CNNM1: variants seen among roughly 807,000 people sequenced by gnomAD.
CNNM1 encodes metal transporter CNNM1.
Under a neutral mutation model 78.8 loss-of-function variants are expected in CNNM1, and 44 were observed. That is an observed-to-expected ratio of 0.56 (90% CI 0.44 to 0.72). CNNM1 has a LOEUF of 0.72. Among genes scored for constraint, CNNM1 ranks in the 30% least tolerant of loss-of-function variants. The pLI, the probability that CNNM1 is intolerant of heterozygous loss-of-function variation, is 0.00. For synonymous variants in CNNM1, 584 were observed against 581.5 expected, an observed-to-expected ratio of 1.00 and a Z score of -0.06; for missense variants, 1,101 against 1,292.2, an observed-to-expected ratio of 0.85 and a Z score of 2.27.
chr10:99,373,441 G>A (rs2031865594), intron 6 of CNNM1, among the ~76,000 whole-genome samples: 1 of 152,204 alleles, frequency 6.6e-6, no homozygotes, highest in Admixed American at 6.5e-5. Context: ...TTTTGGGCAG[G>A]ACTCTCTGCC....
chr10:99,392,543 A>G lies in CNNM1; in HGVS notation c.*1027A>G, dbSNP rs1213636341. On this transcript the variant is annotated 3_prime_UTR_variant, in exon 11 of 11. Coordinates refer to ENST00000356713, the MANE Select transcript of CNNM1 (RefSeq NM_020348.3). ...TTTGTCCTTCTCCCACCCCCTTACT[A>G]CACCCTAGCAGATCAGCTGAGTGTA... 2 of 152,454 alleles carry G rather than the reference A, an allele frequency of 1.3e-5. No individual in the cohort carries two copies. Among genetic ancestry groups the G allele is most frequent in the Non-Finnish European group, 2.9e-5 (2 of 68,014 alleles). 9.4% of individuals were successfully genotyped at this position (152,454 alleles called of 1,614,324 possible). A position where few individuals can be genotyped will look rare whatever the true frequency, so the allele number is the denominator to read the frequency against.
chr10:99,330,150 C>G lies in CNNM1; in HGVS notation c.763C>G (p.Arg255Gly). Residue 255 changes from arginine (R) to glycine (G), a missense_variant, in exon 1 of 11, where the codon CGG becomes GGG. Arg to Gly is a moderately radical substitution (Grantham distance 125). Around this residue, in one of 3 missense-constraint regions of CNNM1, gnomAD observed 476 missense variants for 484.5 expected, o/e 0.98. Coordinates refer to ENST00000356713, the MANE Select transcript of CNNM1 (RefSeq NM_020348.3). ...GCTGTCGCTGGACCCGGTGGAGTTACGGGTGCTGCGGAACAGCGGCTCGGC... is the reference window on the plus strand; with the variant it reads ...GCTGTCGCTGGACCCGGTGGAGTTAGGGGTGCTGCGGAACAGCGGCTCGGC... ...SLLSLDPVEL[R>G]VLRNSGSAAE... is the part of the protein sequence containing the mutation. The G allele has an allele frequency of 6.5e-7, 1 of 1,541,406 alleles. No homozygotes were observed. Among genetic ancestry groups the G allele is most frequent in the Non-Finnish European group, 8.7e-7 (1 of 1,149,900 alleles).
In CNNM1 at chr10:99,377,129, G is replaced by A; in HGVS notation, c.2251G>A (p.Gly751Ser). ...AAACCGAGAGCGCAGTGACTTTGGG[G>A]GCAGCAACACCCAGCTGTACAGCAG... ...SPNRERSDFG[G>S]SNTQLYSSSN... The change falls in exon 7 of 11, where the codon GGC (glycine) becomes AGC (serine). Residue 751 changes from glycine (G) to serine (S), a missense_variant. Physicochemically the swap from Gly to Ser is moderately conservative, Grantham distance 56. Coordinates refer to ENST00000356713, the MANE Select transcript of CNNM1 (RefSeq NM_020348.3). 1 of 1,611,498 alleles carries A rather than the reference G, an allele frequency of 6.2e-7. No individual in the cohort carries two copies. The highest frequency in any genetic ancestry group is 8.5e-7 in the Non-Finnish European group (1 of 1,178,916).
chr10:99,376,061 A>T (rs564728728), intron 6 of CNNM1, among the ~76,000 whole-genome samples: 2 of 152,356 alleles, frequency 1.3e-5, no homozygotes, highest in South Asian at 4.1e-4. Context: ...GAAGGCCTGC[A>T]GATGATCCCA....
intron 9 of CNNM1, among the ~76,000 whole-genome samples, chr10:99,390,014 C>T (rs757295844): frequency 2.6e-5 from 4 of 152,236 alleles, no homozygotes; most frequent in African/African-American, 9.6e-5. Context: ...TCTAAACCCT[C>T]TCTCTTGCCA....
At chr10:99,385,040 G>A (rs1194910999) in intron 7 of CNNM1, among the ~76,000 whole-genome samples, 2 of 147,722 alleles carry the variant, frequency 1.4e-5, no homozygotes, top group South Asian at 2.1e-4. Flanking sequence ...AAGACAGAGC[G>A]AGACTCCATC....
At chr10:99,356,709 T>C (rs2031228204) in intron 1 of CNNM1, among the ~76,000 whole-genome samples, 2 of 152,118 alleles carry the variant, frequency 1.3e-5, no homozygotes, top group South Asian at 4.2e-4. Context: ...CAGCTGAGAC[T>C]GGCAGATCCA....
chr10:99,359,761 G>A lies in CNNM1; in HGVS notation c.1718-1074G>A, dbSNP rs139368325. Among the ~76,000 whole-genome samples, 11 of 152,146 alleles carry A rather than the reference G, an allele frequency of 7.2e-5. No individual in the cohort carries two copies. The East Asian group carries it at 1.7e-3, about 24-fold the overall frequency. ...TGCATCCACTCAGCTTGCACCAGAC[G>A]TTCCCCCACAGCCCTGTTTCTCTTT... On this transcript the variant is annotated intron_variant, in intron 2 of 10. Transcript: ENST00000356713.
rs560638924 is a variant in CNNM1 at position 99,330,900 on chromosome 10, C to A, written c.1513C>A (p.Pro505Thr). 6.2e-7 allele frequency: 1 copy of A among 1,614,134 alleles called. No individual in the cohort carries two copies. Among genetic ancestry groups the A allele is most frequent in the South Asian group, 1.1e-5 (1 of 91,078 alleles). The change falls in exon 1 of 11, where the codon CCC (proline) becomes ACC (threonine). Residue 505 changes from proline to threonine, a missense_variant. Physicochemically the swap from Pro to Thr is conservative, Grantham distance 38. Transcript: ENST00000356713. ...CACTGTCACCCGCTTCTACAACCGG[C>A]CCCTGCATTGTGTTTTCAATGACAC... is the stretch of plus-strand genomic sequence containing the variant. Reference protein sequence around the residue: ...LLTVTRFYNRPLHCVFNDTRL... With the variant: ...LLTVTRFYNRTLHCVFNDTRL...
At chr10:99,337,902 C>T (rs1393065428) in intron 1 of CNNM1, among the ~76,000 whole-genome samples, 1 of 152,158 alleles carries the variant, frequency 6.6e-6, no homozygotes, top group African/African-American at 2.4e-5. Context: ...ACAAATCAAA[C>T]TTATAAGTTT....
chr10:99,335,730 T>C (rs2030149694), intron 1 of CNNM1, among the ~76,000 whole-genome samples: 1 of 152,212 alleles, frequency 6.6e-6, no homozygotes, highest in South Asian at 2.1e-4. Context: ...TAGCATAGAC[T>C]GGTGACCTAA....
At chr10:99,334,124 G>A (rs2030053414) in intron 1 of CNNM1, among the ~76,000 whole-genome samples, 1 of 152,186 alleles carries the variant, frequency 6.6e-6, no homozygotes, top group Admixed American at 6.5e-5. Context: ...ATTTTAGCAA[G>A]CTGCCAGGTG....
rs397955419 is a variant in CNNM1, at chr10:99,348,050, A to ATT, written c.1574-9451_1574-9450dup. ...TGTGTGTGTGTGTGTATATATATATATTTTTTTTTTTTGAGACAACATCTC... is the reference window on the plus strand; with the variant it reads ...TGTGTGTGTGTGTGTATATATATATATTTTTTTTTTTTTTGAGACAACATCTC... On this transcript the variant is annotated intron_variant, in intron 1 of 10. Coordinates refer to ENST00000356713, the MANE Select transcript of CNNM1 (RefSeq NM_020348.3). Among the ~76,000 whole-genome samples the ATT allele has an allele frequency of 9.6e-3, 1,270 of 131,666 alleles. 16 individuals carry two copies. Among genetic ancestry groups the ATT allele is most frequent in the East Asian group, 0.04 (182 of 4,600 alleles). 86.4% of individuals were successfully genotyped at this position (131,666 alleles called of 152,430 possible). A position where few individuals can be genotyped will look rare whatever the true frequency, so the allele number is the denominator to read the frequency against.
At chr10:99,356,600 G>GAAAGAAAAGAAAGAAAGAAAGA (rs2031213159) in intron 1 of CNNM1, among the ~76,000 whole-genome samples, 8 of 129,384 alleles carry the variant, frequency 6.2e-5, no homozygotes, top group African/African-American at 2.8e-4. Context: ...AAGAAAGAAA[G>GAAAGAAAAGAAAGAAAGAAAGA]AAAGAAAAGA....
intron 7 of CNNM1, among the ~76,000 whole-genome samples, chr10:99,387,028 A>C (rs113695650): frequency 6.6e-6 from 1 of 152,188 alleles, no homozygotes; most frequent in African/African-American, 2.4e-5. Flanking sequence ...TGGGTGGCAC[A>C]CAACCTAGTC....
chr10:99,330,671 T>A lies in CNNM1; in HGVS notation c.1284T>A (p.Val428=), dbSNP rs2862600. 1 of 1,613,892 alleles carries A rather than the reference T, an allele frequency of 6.2e-7. No homozygotes were observed. Among genetic ancestry groups the A allele is most frequent in the Admixed American group, 1.7e-5 (1 of 60,016 alleles). ...IQGALELRTK[V]VEEVLTPLGD... is the part of the protein sequence containing the mutation. ...GTGCCCTGGAGCTGCGCACCAAAGT[T>A]GTGGAGGAGGTGCTGACCCCCCTGG... The change falls in exon 1 of 11, where the codon GTT becomes GTA. Residue 428 remains valine (V), a synonymous_variant. Coordinates refer to ENST00000356713, the MANE Select transcript of CNNM1 (RefSeq NM_020348.3).
Position 99,357,722 on chromosome 10 carries a change from C to A in CNNM1, c.1717+67C>A, listed in dbSNP as rs555631433. 100 of 1,435,964 alleles carry A rather than the reference C, an allele frequency of 7.0e-5. No homozygotes were observed. In the African/African-American group the frequency reaches 1.3e-3, roughly 18 times the overall value. 89.0% of individuals were successfully genotyped at this position (1,435,964 alleles called of 1,614,324 possible). ...TTCCTCCAAGACTCTCAGGTAAAGC[C>A]TCATTTGATTTATAGAAAGGGTGTC... On this transcript the variant is annotated intron_variant, in intron 2 of 10. Transcript: ENST00000356713.
In CNNM1 at chr10:99,357,525, G is replaced by C. The variant is rs766866612; in HGVS notation, c.1587G>C (p.Leu529=). ...LEEFKKGKSH[L]AIVQRVNNEG... ...TTTGTTCTCTAGGAAAATCTCACCT[G>C]GCCATTGTCCAGCGGGTGAATAATG... is the stretch of plus-strand genomic sequence containing the variant. Residue 529 remains leucine (L), a synonymous_variant, in exon 2 of 11, where the codon CTG becomes CTC. Coordinates refer to ENST00000356713, the MANE Select transcript of CNNM1 (RefSeq NM_020348.3). The C allele has an allele frequency of 1.9e-6, 3 of 1,612,826 alleles. No individual in the cohort carries two copies. The highest frequency in any genetic ancestry group is 2.5e-6 in the Non-Finnish European group (3 of 1,179,490).
intron 10 of CNNM1, among the ~76,000 whole-genome samples, 163 bp downstream of exon 10, chr10:99,390,570 A>T (rs1331191257): frequency 1.3e-5 from 2 of 152,202 alleles, no homozygotes; most frequent in Non-Finnish European, 2.9e-5. Context: ...CCAGCACTGC[A>T]CCCTTGATAG....
Sources: gnomAD v4.1 joint callset for allele counts (sites outside exome capture counted in the v4.1 genomes callset) on GRCh38, gnomAD v4.1.1 for gene constraint, gnomAD v4.1.1 regional missense constraint, MANE v1.5 for transcripts, NCBI Gene and HGNC (gene_info 2026-07-23, HGNC 2026-07-21) for gene names.